Variants in CUL5 observed in about 807,000 individuals in gnomAD.
CUL5 encodes the protein cullin 5.
A neutral mutation model predicts 108.8 loss-of-function variants in CUL5; 26 were observed. The observed-to-expected ratio is 0.24, with a 90% confidence interval of 0.18 to 0.33. The LOEUF (loss-of-function observed/expected upper bound fraction) is 0.33, where lower values mean the gene tolerates loss of function less well. Among genes scored for constraint, CUL5 ranks in the 10% least tolerant of loss-of-function variants. The pLI, the probability that CUL5 is intolerant of heterozygous loss-of-function variation, is 1.00. For synonymous variants in CUL5, 334 were observed against 298.0 expected, an observed-to-expected ratio of 1.12 and a Z score of -1.25; for missense variants, 524 against 909.2, an observed-to-expected ratio of 0.58 and a Z score of 5.45.
At chr11:108,033,531 A>T (rs1216602938) in intron 1 of CUL5, among the ~76,000 whole-genome samples, 2 of 152,156 alleles carry the variant, frequency 1.3e-5, no homozygotes, top group African/African-American at 2.4e-5. Flanking sequence ...GTGTCCAGAG[A>T]TTATCTACTA....
intron 7 of CUL5, among the ~76,000 whole-genome samples, chr11:108,055,995 T>A (rs1334987970): frequency 6.6e-6 from 1 of 152,110 alleles, no homozygotes; most frequent in Non-Finnish European, 1.5e-5. Flanking sequence ...CCCAGGCTGG[T>A]TTTGAACTCC....
At chr11:108,014,864 AAGAG>A (rs1159993999) in intron 1 of CUL5, among the ~76,000 whole-genome samples, 1 of 152,130 alleles carries the variant, frequency 6.6e-6, no homozygotes, top group South Asian at 2.1e-4. Flanking sequence ...ACCAGGGTAA[AAGAG>A]AGAGTGCTCG....
chr11:108,102,277 C>A (rs962236971), intron 18 of CUL5, among the ~76,000 whole-genome samples: 6 of 152,030 alleles, frequency 3.9e-5, no homozygotes, highest in African/African-American at 1.4e-4. Flanking sequence ...ATCCGCTCCC[C>A]TTGGCCTCCT....
At chr11:108,091,691 T>TCACACA (rs1170721478) in intron 13 of CUL5, among the ~76,000 whole-genome samples, 13 of 59,760 alleles carry the variant, frequency 2.2e-4, no homozygotes, top group East Asian at 2.7e-4. Flanking sequence ...CCTGTCTCTC[T>TCACACA]CACTCACACA....
intron 7 of CUL5, 58 bp downstream of exon 7, chr11:108,055,013 A>G: frequency 8.7e-7 from 1 of 1,145,662 alleles, no homozygotes; most frequent in Non-Finnish European, 1.3e-6. Context: ...GAAGCATAGG[A>G]ATGGCAAATA....
At chr11:108,095,921 C>A (rs921563437) in intron 16 of CUL5, among the ~76,000 whole-genome samples, 2 of 150,888 alleles carry the variant, frequency 1.3e-5, no homozygotes, top group African/African-American at 4.9e-5. Context: ...CATAGTGAAA[C>A]CCCATCTCTA....
intron 11 of CUL5, among the ~76,000 whole-genome samples, chr11:108,079,021 A>G (rs1864004971): frequency 6.6e-6 from 1 of 152,146 alleles, no homozygotes; most frequent in Non-Finnish European, 1.5e-5. Context: ...AACATATAGC[A>G]CTGCATCTTG....
chr11:108,102,635 A>G (rs751413508), intron 18 of CUL5, among the ~76,000 whole-genome samples: 2 of 152,230 alleles, frequency 1.3e-5, no homozygotes, highest in South Asian at 2.1e-4. Flanking sequence ...CTGGCTGGTT[A>G]TCATATCTAT....
chr11:108,014,407 G>A (rs1862130928), intron 1 of CUL5, among the ~76,000 whole-genome samples: 1 of 152,088 alleles, frequency 6.6e-6, no homozygotes, highest in African/African-American at 2.4e-5. Flanking sequence ...AGGGAAGTCG[G>A]GTCAGATTAC....
chr11:108,046,178 G>T (rs891855868), intron 2 of CUL5, 92 bp from the exon 3 acceptor site: 64 of 836,918 alleles, frequency 7.6e-5, no homozygotes, highest in South Asian at 1.9e-5. Flanking sequence ...TTCTAATATG[G>T]CCCATGGAAA....
chr11:108,085,509 T>C (rs1434359930), intron 11 of CUL5, among the ~76,000 whole-genome samples: 1 of 152,218 alleles, frequency 6.6e-6, no homozygotes, highest in African/African-American at 2.4e-5. Flanking sequence ...ATAGCGGTGA[T>C]GTTTGTACAG....
chr11:108,043,655 T>A (rs1426701414), intron 2 of CUL5, among the ~76,000 whole-genome samples: 2 of 152,238 alleles, frequency 1.3e-5, no homozygotes, highest in Non-Finnish European at 2.9e-5. Context: ...TTGGATTGTT[T>A]TTCCTTCAAT....
At chr11:108,012,566 T>C (rs1259627632) in intron 1 of CUL5, among the ~76,000 whole-genome samples, 1 of 150,924 alleles carries the variant, frequency 6.6e-6, no homozygotes, top group Non-Finnish European at 1.5e-5. Flanking sequence ...CTCCTATGCC[T>C]ATAAGAAAGT....
chr11:108,010,386 CT>C (rs1862033039), intron 1 of CUL5, among the ~76,000 whole-genome samples: 1 of 152,204 alleles, frequency 6.6e-6, no homozygotes, highest in African/African-American at 2.4e-5. Flanking sequence ...ACCATCATGT[CT>C]TCTTTAGACC....
intron 11 of CUL5, among the ~76,000 whole-genome samples, chr11:108,084,675 A>G (rs1864179971): frequency 6.6e-6 from 1 of 152,258 alleles, no homozygotes; most frequent in Non-Finnish European, 1.5e-5. Flanking sequence ...TAAAAGAAAA[A>G]TCATTTTAGA....
rs79559256 is a variant in CUL5 at position 108,029,389 on chromosome 11, C to G, written c.25-4413C>G. On this transcript the variant is annotated intron_variant, in intron 1 of 18. Transcript: ENST00000393094. ...GCCAGTGAATGAGAGAATTGTAGACCTACTAGCAACTGTTGAGTCCAGCTT... is the reference window on the plus strand; with the variant it reads ...GCCAGTGAATGAGAGAATTGTAGACGTACTAGCAACTGTTGAGTCCAGCTT... 1.0e-2 allele frequency among the ~76,000 whole-genome samples: 1,516 copies of G among 152,288 alleles called. 31 individuals carry two copies. Among genetic ancestry groups the G allele is most frequent in the African/African-American group, 0.035 (1,443 of 41,562 alleles).
chr11:108,088,456 A>C (rs941958596), intron 11 of CUL5, 71 bp from the exon 12 acceptor site: 57 of 1,464,510 alleles, frequency 3.9e-5, no homozygotes, highest in Non-Finnish European at 5.1e-5. Context: ...CTTGTGAATC[A>C]TTGACTTTAG....
At chr11:108,042,761 T>A (rs1425255319) in intron 2 of CUL5, among the ~76,000 whole-genome samples, 1 of 151,938 alleles carries the variant, frequency 6.6e-6, no homozygotes, top group African/African-American at 2.4e-5. Flanking sequence ...TTTCTATCAG[T>A]TTCTTTTTTT....
intron 1 of CUL5, among the ~76,000 whole-genome samples, chr11:108,014,461 A>C (rs531300380): frequency 4.6e-5 from 7 of 152,346 alleles, no homozygotes; most frequent in Admixed American, 4.6e-4. Flanking sequence ...ATAAAGTTCT[A>C]TAGTTACTGA....
Sources: allele counts gnomAD v4.1 joint callset (sites outside exome capture counted in the v4.1 genomes callset), GRCh38; gene constraint gnomAD v4.1.1; transcripts MANE v1.5; gene names NCBI Gene and HGNC (gene_info 2026-07-23, HGNC 2026-07-21).